Variants in DHX35 observed in about 807,000 individuals in gnomAD.
DHX35 encodes the protein probable ATP-dependent RNA helicase DHX35.
DHX35 carries 84 observed loss-of-function variants against 99.6 expected under a neutral mutation model. The ratio of observed to expected loss-of-function variants is 0.84; its 90% CI spans 0.71 to 1.01. DHX35 has a LOEUF of 1.01. Ranked by LOEUF, DHX35 falls within the 50% of genes least tolerant of loss-of-function variation. The pLI is 0.00. For missense variants in DHX35, 852 were observed against 888.5 expected, an observed-to-expected ratio of 0.96 and a Z score of 0.52; for synonymous variants, 331 against 316.2, an observed-to-expected ratio of 1.05 and a Z score of -0.50.
chr20:38,999,751 G>A (rs1034130182), intron 8 of DHX35, among the ~76,000 whole-genome samples: 6 of 152,140 alleles, frequency 3.9e-5, no homozygotes, highest in Admixed American at 2.6e-4. Flanking sequence ...TGTTTGCCTC[G>A]AATCTCTTAT....
intron 3 of DHX35, among the ~76,000 whole-genome samples, chr20:38,982,196 C>A (rs1049559004): frequency 6.6e-6 from 1 of 152,078 alleles, no homozygotes; most frequent in Non-Finnish European, 1.5e-5. Flanking sequence ...TTTATAACTT[C>A]TCTGCAACAA....
At chr20:38,981,213 C>G (rs532239763) in intron 3 of DHX35, among the ~76,000 whole-genome samples, 4 of 152,186 alleles carry the variant, frequency 2.6e-5, no homozygotes, top group Non-Finnish European at 5.9e-5. Flanking sequence ...TATTTTCACA[C>G]TGCAAATAGT....
intron 7 of DHX35, among the ~76,000 whole-genome samples, 190 bp from the exon 8 acceptor site, chr20:38,994,631 A>ATTCC (rs1568731897): frequency 1.3e-5 from 1 of 74,400 alleles, no homozygotes; most frequent in Non-Finnish European, 2.8e-5. Context: ...TAGTGTAATG[A>ATTCC]CCCCCCCCCC....
intron 18 of DHX35, among the ~76,000 whole-genome samples, 153 bp from the exon 19 acceptor site, chr20:39,028,265 G>C (rs940676975): frequency 3.3e-5 from 5 of 152,172 alleles, no homozygotes; most frequent in African/African-American, 1.2e-4. Context: ...ATCCAGCATT[G>C]GGAAGGGTAG....
chr20:39,039,074 G>T lies in DHX35; in HGVS notation c.*531G>T, dbSNP rs964270299. On this transcript the variant is annotated 3_prime_UTR_variant, in exon 22 of 22. Coordinates refer to ENST00000252011, the MANE Select transcript of DHX35 (RefSeq NM_021931.4). ...AAAGGGCATGTCTGATGGGCACAGG[G>T]TCTCCCAAACCCAGTGGCTTCTGTC... 6.4e-6 allele frequency: 1 copy of T among 155,866 alleles called. No individual in the cohort carries two copies. Among genetic ancestry groups the T allele is most frequent in the Non-Finnish European group, 1.4e-5 (1 of 70,630 alleles). 9.7% of individuals were successfully genotyped at this position (155,866 alleles called of 1,614,324 possible). A position where few individuals can be genotyped will look rare whatever the true frequency, so the allele number is the denominator to read the frequency against.
intron 8 of DHX35, among the ~76,000 whole-genome samples, chr20:38,995,436 A>C (rs2086413300): frequency 6.6e-6 from 1 of 152,080 alleles, no homozygotes; most frequent in Non-Finnish European, 1.5e-5. Flanking sequence ...AGGCAGGAGA[A>C]TTGCTTGAAA....
chr20:39,025,274 CA>C lies in DHX35; in HGVS notation c.1718del (p.Lys573ArgfsTer9). 1 of 1,613,448 alleles carries C rather than the reference CA, an allele frequency of 6.2e-7. No individual in the cohort carries two copies. ...GGTGTCAGGAACATTTCCTGAATTA[CA>C]AGGGTCTTGTCAGAGCTGCGACTGT... Reference protein sequence around the residue: ...KWCQEHFLNYKGLVRAATVRE... With the variant: ...KWCQEHFLNYXGLVRAATVRE... On this transcript the variant is annotated frameshift_variant, in exon 18 of 22. Coordinates refer to ENST00000252011, the MANE Select transcript of DHX35 (RefSeq NM_021931.4). LOFTEE classifies it high-confidence loss of function.
At chr20:38,976,167 TA>T (rs1276209350) in intron 3 of DHX35, among the ~76,000 whole-genome samples, 1 of 152,164 alleles carries the variant, frequency 6.6e-6, no homozygotes, top group Non-Finnish European at 1.5e-5. Flanking sequence ...ATATTTTTAA[TA>T]TTTTTGAACA....
At chr20:38,975,807 T>C (rs1157423646) in intron 3 of DHX35, among the ~76,000 whole-genome samples, 2 of 152,252 alleles carry the variant, frequency 1.3e-5, no homozygotes, top group East Asian at 1.9e-4. Context: ...TTGTGGTAGA[T>C]GGCAGAATCA....
At chr20:39,016,699 T>C (rs116437712) in intron 14 of DHX35, among the ~76,000 whole-genome samples, 2,121 of 152,312 alleles carry the variant, frequency 0.014, 53 homozygotes, top group African/African-American at 0.046. Context: ...TTGTCTTTTG[T>C]GTTATAGCCA....
intron 3 of DHX35, chr20:38,977,896 G>A (rs1344166361): frequency 1.7e-5 from 10 of 575,560 alleles, no homozygotes; most frequent in Non-Finnish European, 3.0e-5. Context: ...CTTTACTGGG[G>A]CTTTTTCTTC....
Position 39,020,367 on chromosome 20 carries a change from A to G in DHX35, c.1498+1468A>G, listed in dbSNP as rs141596775. On this transcript the variant is annotated intron_variant, in intron 15 of 21. Transcript: ENST00000252011. Reference sequence around the variant, plus strand: ...TGTACCATTTTGCATTTCTGCCAGCAGTACACGAGGGTTCCAATTTCTTTG... The same window carrying G: ...TGTACCATTTTGCATTTCTGCCAGCGGTACACGAGGGTTCCAATTTCTTTG... Among the ~76,000 whole-genome samples, 470 of 152,360 alleles carry G rather than the reference A, an allele frequency of 3.1e-3. 3 individuals are homozygous for G. Among genetic ancestry groups the G allele is most frequent in the Middle Eastern group, 6.8e-3 (2 of 294 alleles).
At chr20:39,029,526 T>A (rs1391462078) in intron 19 of DHX35, 1 of 151,748 alleles carries the variant, frequency 6.6e-6, no homozygotes. Context: ...TTGTAGCCTG[T>A]CAGTATTGTG....
intron 8 of DHX35, among the ~76,000 whole-genome samples, chr20:38,995,641 T>G (rs745838452): frequency 6.6e-6 from 1 of 152,222 alleles, no homozygotes; most frequent in Non-Finnish European, 1.5e-5. Flanking sequence ...GCAGCTCAAC[T>G]CAACAAATAC....
rs1185567134 is a variant in DHX35, at chr20:39,006,151, A to G, written c.1017A>G (p.Ile339Met). The G allele has an allele frequency of 6.2e-7, 1 of 1,613,032 alleles. No individual in the cohort carries two copies. The highest frequency in any genetic ancestry group is 2.2e-5 in the East Asian group (1 of 44,864). The change falls in exon 12 of 22, where the codon ATA becomes ATG. Residue 339 changes from isoleucine (I) to methionine (M), a missense_variant. Physicochemically the swap from Ile to Met is conservative, Grantham distance 10. Coordinates refer to ENST00000252011, the MANE Select transcript of DHX35 (RefSeq NM_021931.4). ...TCTTTCTGTGGGGAACGTAGGTGATAGTGGCCACCAATGTGGCAGAAACCT... is the reference window on the plus strand; with the variant it reads ...TCTTTCTGTGGGGAACGTAGGTGATGGTGGCCACCAATGTGGCAGAAACCT... The part of the protein sequence containing the change: ...ERVSRSVRKV[I>M]VATNVAETSI...
Position 39,038,768 on chromosome 20 carries a change from T to G in DHX35, c.*225T>G, listed in dbSNP as rs555473641. On this transcript the variant is annotated 3_prime_UTR_variant, in exon 22 of 22. Coordinates refer to ENST00000252011, the MANE Select transcript of DHX35 (RefSeq NM_021931.4). ...TGCATGGGCAGGCATCCTTCTGTGC[T>G]GCAGCGGGCAGAGTGGGAGTTGGCT... The G allele has an allele frequency of 5.7e-5, 33 of 582,260 alleles. No individual in the cohort carries two copies. Among genetic ancestry groups the G allele is most frequent in the African/African-American group, 5.4e-4 (29 of 53,502 alleles). The allele number at this position is 582,260 out of a possible 1,614,324, so 36.1% of individuals were successfully genotyped here.
At chr20:38,987,135 C>T (rs1014790303) in intron 4 of DHX35, among the ~76,000 whole-genome samples, 2 of 152,226 alleles carry the variant, frequency 1.3e-5, no homozygotes, top group African/African-American at 2.4e-5. Context: ...CTCCTTCCTT[C>T]TGTGGGGATT....
chr20:38,994,206 A>G (rs765190134), intron 7 of DHX35, among the ~76,000 whole-genome samples: 6 of 152,180 alleles, frequency 3.9e-5, no homozygotes, highest in Non-Finnish European at 8.8e-5. Flanking sequence ...GTATAATAAG[A>G]GGGCCGATTT....
Position 39,038,639 on chromosome 20 carries a change from G to C in DHX35, c.*96G>C. 1 of 1,319,490 alleles carries C rather than the reference G, an allele frequency of 7.6e-7. No homozygotes were observed. The highest frequency in any genetic ancestry group is 1.2e-5 in the South Asian group (1 of 80,508). 81.7% of individuals were successfully genotyped at this position (1,319,490 alleles called of 1,614,324 possible). A position where few individuals can be genotyped will look rare whatever the true frequency, so the allele number is the denominator to read the frequency against. On this transcript the variant is annotated 3_prime_UTR_variant, in exon 22 of 22. Transcript: ENST00000252011. ...GTGGGGTGAGCTGGCACCAGCTCCT[G>C]TGGAATGTTTGGTTGCTCTGAAGTG...
Sources: gnomAD v4.1 joint callset for allele counts (sites outside exome capture counted in the v4.1 genomes callset) on GRCh38, gnomAD v4.1.1 for gene constraint, MANE v1.5 for transcripts, NCBI Gene and HGNC (gene_info 2026-07-23, HGNC 2026-07-21) for gene names.